The following GALNT13 variants were observed in gnomAD, a reference collection of about 807,000 sequenced individuals.
The protein encoded by GALNT13 is polypeptide N-acetylgalactosaminyltransferase 13.
In GALNT13, 28 loss-of-function variants were observed where a neutral mutation model predicts 64.2. The observed-to-expected ratio is 0.44, with a 90% CI of 0.32 to 0.60. The LOEUF is 0.60. Among genes scored for constraint, GALNT13 ranks in the 20% least tolerant of loss-of-function variants. The pLI is 0.05. For missense variants in GALNT13, 577 were observed against 669.8 expected, an observed-to-expected ratio of 0.86 and a Z score of 1.53; for synonymous variants, 214 against 224.6, an observed-to-expected ratio of 0.95 and a Z score of 0.42.
chr2:153,779,658 A>G, the GALNT13 span, among the ~76,000 whole-genome samples: 60 of 152,320 alleles, frequency 3.9e-4, no homozygotes, highest in Middle Eastern at 0.014. Context: ...TATTATAAAA[A>G]TAATATGGAA....
At chr2:154,058,199 G>A (rs1283478796) in intron 3 of GALNT13, among the ~76,000 whole-genome samples, 1 of 152,068 alleles carries the variant, frequency 6.6e-6, no homozygotes, top group South Asian at 2.1e-4. Flanking sequence ...ACCATGTGAG[G>A]ACATAAGAAG....
At chr2:153,632,643 A>C in the GALNT13 span, among the ~76,000 whole-genome samples, 1 of 152,216 alleles carries the variant, frequency 6.6e-6, no homozygotes, top group African/African-American at 2.4e-5. Context: ...AATTTGAATC[A>C]TATAGCATGT....
At chr2:154,180,515 TA>T (rs72154366) in intron 4 of GALNT13, among the ~76,000 whole-genome samples, 21,447 of 149,376 alleles carry the variant, frequency 0.14, 1,823 homozygotes, top group East Asian at 0.34. Flanking sequence ...AAGTACCTGT[TA>T]AAAAAATAGA....
At chr2:153,492,648 T>C in the GALNT13 span, among the ~76,000 whole-genome samples, 3 of 152,152 alleles carry the variant, frequency 2.0e-5, no homozygotes, top group Middle Eastern at 3.2e-3. Context: ...CACATGAAAG[T>C]GCAGATAGGA....
At chr2:154,139,428 T>G (rs1351287996) in intron 3 of GALNT13, among the ~76,000 whole-genome samples, 4 of 152,028 alleles carry the variant, frequency 2.6e-5, no homozygotes, top group Non-Finnish European at 1.5e-5. Context: ...TCAGTAAGAT[T>G]AATGTGTTAG....
chr2:153,419,748 C>A, the GALNT13 span, among the ~76,000 whole-genome samples: 1 of 152,124 alleles, frequency 6.6e-6, no homozygotes, highest in East Asian at 1.9e-4. Flanking sequence ...TTGTCAATTT[C>A]TGGTTGTAAT....
At chr2:154,406,684 T>G (rs1699558914) in intron 10 of GALNT13, among the ~76,000 whole-genome samples, 1 of 152,176 alleles carries the variant, frequency 6.6e-6, no homozygotes, top group South Asian at 2.1e-4. Context: ...CTTACTGTGC[T>G]TTATATTTCT....
chr2:153,364,426 A>G, the GALNT13 span, among the ~76,000 whole-genome samples: 20,088 of 151,958 alleles, frequency 0.13, 1,424 homozygotes, highest in Middle Eastern at 0.17. Context: ...ATTCAGATAG[A>G]AAAAAAGGAA....
chr2:153,372,361 G>GAAT, the GALNT13 span, among the ~76,000 whole-genome samples: 1 of 151,978 alleles, frequency 6.6e-6, no homozygotes, highest in Admixed American at 6.6e-5. Flanking sequence ...CAAGAAAGCA[G>GAAT]AAGAGGCCAG....
the GALNT13 span, among the ~76,000 whole-genome samples, chr2:153,452,058 A>T: frequency 2.4e-4 from 37 of 152,356 alleles, no homozygotes; most frequent in Middle Eastern, 3.4e-3. Flanking sequence ...CAGCTTCTGT[A>T]ACTGACATTG....
the GALNT13 span, among the ~76,000 whole-genome samples, chr2:153,658,842 T>A: frequency 6.6e-6 from 1 of 151,926 alleles, no homozygotes; most frequent in Admixed American, 6.6e-5. Context: ...ATTTATTCAA[T>A]GTTCAATATT....
chr2:153,493,025 T>C, the GALNT13 span, among the ~76,000 whole-genome samples: 1 of 151,968 alleles, frequency 6.6e-6, no homozygotes, highest in South Asian at 2.1e-4. Flanking sequence ...GTGTGGGGCA[T>C]AGCAAAAGTG....
the GALNT13 span, among the ~76,000 whole-genome samples, chr2:153,378,935 A>AT: frequency 6.6e-6 from 1 of 151,994 alleles, no homozygotes; most frequent in Non-Finnish European, 1.5e-5. Context: ...TCTTTCAGAG[A>AT]TTTTTTTGGT....
chr2:153,232,681 G>A, the GALNT13 span, among the ~76,000 whole-genome samples: 1 of 152,222 alleles, frequency 6.6e-6, no homozygotes, highest in South Asian at 2.1e-4. Context: ...TGAGGGGACT[G>A]GCTGACAGAT....
At chr2:153,142,790 C>T in the GALNT13 span, among the ~76,000 whole-genome samples, 2 of 151,840 alleles carry the variant, frequency 1.3e-5, no homozygotes, top group African/African-American at 4.8e-5. Flanking sequence ...AAAGCTTTGT[C>T]TTGTTGAGCT....
intron 3 of GALNT13, among the ~76,000 whole-genome samples, chr2:154,089,379 TTGAG>T (rs1405495779): frequency 6.6e-6 from 1 of 152,056 alleles, no homozygotes; most frequent in Non-Finnish European, 1.5e-5. Context: ...CTTTTGCCCT[TTGAG>T]TGAGTAGAGG....
chr2:154,455,023 A>G (rs1462933765), downstream of GALNT13, among the ~76,000 whole-genome samples: 1 of 152,200 alleles, frequency 6.6e-6, no homozygotes, highest in Non-Finnish European at 1.5e-5. Context: ...TAGGCTTCCC[A>G]GTGGAGCTCT....
the GALNT13 span, among the ~76,000 whole-genome samples, chr2:153,480,844 C>T: frequency 6.6e-6 from 1 of 152,062 alleles, no homozygotes; most frequent in African/African-American, 2.4e-5. Context: ...AGAGCCCCTT[C>T]TTTATGTGAC....
the GALNT13 span, among the ~76,000 whole-genome samples, chr2:153,132,191 T>C: frequency 2.0e-5 from 3 of 152,128 alleles, no homozygotes; most frequent in African/African-American, 7.2e-5. Flanking sequence ...CAGTCAAACA[T>C]GGTCTTTTTG....
Sources: allele counts gnomAD v4.1 joint callset (sites outside exome capture counted in the v4.1 genomes callset), GRCh38; gene constraint gnomAD v4.1.1; transcripts MANE v1.5; gene names NCBI Gene and HGNC (gene_info 2026-07-23, HGNC 2026-07-21).